Variants in ZNF432 observed in about 807,000 individuals in gnomAD.
ZNF432 encodes zinc finger protein 432.
In ZNF432, 10 loss-of-function variants were observed where a neutral mutation model predicts 13.9. The observed-to-expected ratio is 0.72, with a 90% confidence interval of 0.44 to 1.22. The LOEUF is 1.22. Among genes scored for constraint, ZNF432 ranks in the 50% most tolerant of loss-of-function variants. The pLI is 0.00. For synonymous variants in ZNF432, 247 were observed against 256.2 expected (o/e 0.96, Z 0.34); for missense variants, 793 against 796.2 (o/e 1.00, Z 0.05).
Position 52,041,523 on chromosome 19 carries a change from GT to G in ZNF432, c.98del (p.Tyr33SerfsTer4). 6.2e-7 allele frequency: 1 copy of G among 1,612,154 alleles called. No individual in the cohort carries two copies. Among genetic ancestry groups the G allele is most frequent in the South Asian group, 1.1e-5 (1 of 90,890 alleles). On this transcript the variant is annotated frameshift_variant, in exon 3 of 5. Coordinates refer to ENST00000221315, the MANE Select transcript of ZNF432 (RefSeq NM_014650.4). LOFTEE classifies it high-confidence loss of function. ...QLLGPFQKDLYRDVMLEIYSN... is the reference protein window; with the variant it reads ...QLLGPFQKDLXRDVMLEIYSN... ...TGTAGATCTCCAACATCACATCCCG[GT>G]ACAAATCCTTCTGAAAAGGGCCCAG...
In ZNF432 at chr19:52,048,715, C is replaced by G. The variant is rs899508033; in HGVS notation, c.-213G>C. ...CTGACCTGACTCTCCTTGGAATCGCCGCGACCTCTTAAAAGCTGAACTTAC... is the reference window on the plus strand; with the variant it reads ...CTGACCTGACTCTCCTTGGAATCGCGGCGACCTCTTAAAAGCTGAACTTAC... On this transcript the variant is annotated 5_prime_UTR_variant, in exon 1 of 5. Transcript: ENST00000221315. 6.5e-6 allele frequency: 1 copy of G among 152,882 alleles called. No individual in the cohort carries two copies. Among genetic ancestry groups the G allele is most frequent in the Non-Finnish European group, 1.5e-5 (1 of 68,344 alleles). 9.5% of individuals were successfully genotyped at this position (152,882 alleles called of 1,614,324 possible).
chr19:52,037,123 A>T (rs2087089723), intron 4 of ZNF432, among the ~76,000 whole-genome samples: 1 of 152,250 alleles, frequency 6.6e-6, no homozygotes, highest in Non-Finnish European at 1.5e-5. Context: ...TTACTGAGAT[A>T]TATAGAATAA....
At chr19:52,042,606 G>A (rs1281104825) in intron 2 of ZNF432, among the ~76,000 whole-genome samples, 2 of 151,982 alleles carry the variant, frequency 1.3e-5, no homozygotes, top group Non-Finnish European at 2.9e-5. Flanking sequence ...AAAGTATGAA[G>A]GAGACTTTAC....
chr19:52,045,949 C>T (rs1338033948), intron 2 of ZNF432, among the ~76,000 whole-genome samples: 4 of 145,684 alleles, frequency 2.7e-5, no homozygotes, highest in African/African-American at 1.0e-4. Flanking sequence ...AAGCCAAGAT[C>T]ACGCACTGCA....
intron 4 of ZNF432, 103 bp from the exon 5 acceptor site, chr19:52,035,543 T>C (rs1403024265): frequency 4.0e-6 from 4 of 1,002,710 alleles, no homozygotes; most frequent in African/African-American, 1.7e-5. Flanking sequence ...TTATTATTAT[T>C]ATTTTTTGAG....
rs1428922050 is a variant in ZNF432 at position 52,034,634 on chromosome 19, C to T, written c.1045G>A (p.Glu349Lys). ...HTGEKPYICS[E>K]CGKGFTTKHY... ...TTTGTGGTGAAGCCTTTCCCACATT[C>T]ACTACAGATGTAGGGCTTCTCTCCT... Residue 349 changes from glutamate to lysine, a missense_variant, in exon 5 of 5, where the codon GAA becomes AAA. By Grantham distance (56) the Glu-to-Lys change is moderately conservative. Transcript: ENST00000221315. The T allele has an allele frequency of 6.2e-7, 1 of 1,613,622 alleles. No individual in the cohort carries two copies. The highest frequency in any genetic ancestry group is 1.7e-5 in the Admixed American group (1 of 59,990).
Position 52,046,898 on chromosome 19 carries a change from C to A in ZNF432, c.-30G>T, listed in dbSNP as rs2087189501. ...TTCTGTTGTGGGAAATGGCCAGCAC[C>A]TGGGATACTCTGTCTTTGTCTCCTC... On this transcript the variant is annotated 5_prime_UTR_variant, in exon 2 of 5. It adds an upstream start codon to the 5' untranslated region. Coordinates refer to ENST00000221315, the MANE Select transcript of ZNF432 (RefSeq NM_014650.4). 1 of 1,611,646 alleles carries A rather than the reference C, an allele frequency of 6.2e-7. No homozygotes were observed. Among genetic ancestry groups the A allele is most frequent in the South Asian group, 1.1e-5 (1 of 90,574 alleles).
rs1254810367 is a variant in ZNF432, at chr19:52,041,585, C to T, written c.37G>A (p.Val13Ile). 2 of 1,614,088 alleles carry T rather than the reference C, an allele frequency of 1.2e-6. No individual in the cohort carries two copies. Among genetic ancestry groups the T allele is most frequent in the East Asian group, 4.5e-5 (2 of 44,874 alleles). ...NAQELLTLED[V>I]TVEFTWEEWQ... Reference sequence around the variant, plus strand: ...TCCTCCCAGGTGAACTCCACAGTAACATCCTCCAGTGTCAGCAATTCCTGT... The same window carrying T: ...TCCTCCCAGGTGAACTCCACAGTAATATCCTCCAGTGTCAGCAATTCCTGT... Residue 13 changes from valine (V) to isoleucine (I), a missense_variant, in exon 3 of 5, where the codon GTT becomes ATT. Physicochemically the swap from Val to Ile is conservative, Grantham distance 29 (BLOSUM62 3). Coordinates refer to ENST00000221315, the MANE Select transcript of ZNF432 (RefSeq NM_014650.4).
Position 52,033,934 on chromosome 19 carries a change from G to A in ZNF432, c.1745C>T (p.Thr582Ile), listed in dbSNP as rs767711061. Residue 582 changes from threonine to isoleucine, a missense_variant, in exon 5 of 5, where the codon ACA (threonine) becomes ATA (isoleucine). Coordinates refer to ENST00000221315, the MANE Select transcript of ZNF432 (RefSeq NM_014650.4). Reference protein sequence around the residue: ...SECGRGFAKETELALHKQVHT... With the variant: ...SECGRGFAKEIELALHKQVHT... ...AACTTGCTTATGTAAAGCAAGCTCT[G>A]TTTCCTTGGCAAAGCCTCTTCCACA... is the stretch of plus-strand genomic sequence containing the variant. 4.3e-6 allele frequency: 7 copies of A among 1,613,806 alleles called. No homozygotes were observed.
Position 52,034,460 on chromosome 19 carries a change from CA to C in ZNF432, c.1218del (p.Cys406TrpfsTer20). 1 of 1,613,986 alleles carries C rather than the reference CA, an allele frequency of 6.2e-7. No individual in the cohort carries two copies. The highest frequency in any genetic ancestry group is 2.2e-5 in the East Asian group (1 of 44,878). Reference protein sequence around the residue: ...TGEKPYICSECGKGFPRKSNL... With the variant: ...TGEKPYICSEXGKGFPRKSNL... ...TTACTCTTCCTGGGAAAGCCTTTTC[CA>C]CATTCACTGCATATGTAGGGTTTCT... On this transcript the variant is annotated frameshift_variant, in exon 5 of 5. Coordinates refer to ENST00000221315, the MANE Select transcript of ZNF432 (RefSeq NM_014650.4). LOFTEE classifies it low-confidence loss of function (END_TRUNC).
chr19:52,047,815 T>C (rs537058608), intron 1 of ZNF432, among the ~76,000 whole-genome samples: 1 of 151,744 alleles, frequency 6.6e-6, no homozygotes, highest in African/African-American at 2.4e-5. Context: ...ACTGGGAAAA[T>C]AGCCGCCTTT....
chr19:52,042,125 T>C (rs1167771385), intron 2 of ZNF432, among the ~76,000 whole-genome samples: 1 of 152,214 alleles, frequency 6.6e-6, no homozygotes, highest in African/African-American at 2.4e-5. Flanking sequence ...AATATATATG[T>C]ATGCACACAT....
At position 52,044,783 on chromosome 19, in the gene ZNF432, T is replaced by C. The variant is rs1294054718; in HGVS notation, c.15+2071A>G. 2.0e-5 allele frequency among the ~76,000 whole-genome samples: 3 copies of C among 152,254 alleles called. No individual in the cohort carries two copies. In the East Asian group the frequency reaches 5.8e-4, roughly 29 times the overall value. On this transcript the variant is annotated intron_variant, in intron 2 of 4. Coordinates refer to ENST00000221315, the MANE Select transcript of ZNF432 (RefSeq NM_014650.4). Reference sequence around the variant, plus strand: ...TCAGTTTCTATGTGGCAGGCACTCATCTAAATACTTTACATAGTTTAACAA... The same window carrying C: ...TCAGTTTCTATGTGGCAGGCACTCACCTAAATACTTTACATAGTTTAACAA...
In ZNF432 at chr19:52,041,558, A is replaced by G. The variant is rs775135908; in HGVS notation, c.64T>C (p.Trp22Arg). The G allele has an allele frequency of 6.2e-7, 1 of 1,613,318 alleles. No individual in the cohort carries two copies. The highest frequency in any genetic ancestry group is 1.1e-5 in the South Asian group (1 of 91,010). The change falls in exon 3 of 5, where the codon TGG becomes CGG. Residue 22 changes from tryptophan to arginine, a missense_variant. Transcript: ENST00000221315. The stretch of plus-strand genomic sequence containing the variant: ...TTCTGAAAAGGGCCCAGGAGCTGCC[A>G]CTCCTCCCAGGTGAACTCCACAGTA... ...DVTVEFTWEE[W>R]QLLGPFQKDL...
intron 4 of ZNF432, among the ~76,000 whole-genome samples, chr19:52,036,825 C>T (rs1262359806): frequency 6.6e-6 from 1 of 152,156 alleles, no homozygotes; most frequent in Non-Finnish European, 1.5e-5. Flanking sequence ...CACATGCAAC[C>T]ATGCCTGATT....
chr19:52,033,920 G>A lies in ZNF432; in HGVS notation c.1759C>T (p.His587Tyr), dbSNP rs1488658594. The part of the protein sequence containing the change: ...GFAKETELAL[H>Y]KQVHTGEKPY... ...TTTTCTCCAGTATGAACTTGCTTAT[G>A]TAAAGCAAGCTCTGTTTCCTTGGCA... Residue 587 changes from histidine to tyrosine, a missense_variant, in exon 5 of 5, where the codon CAT becomes TAT. Transcript: ENST00000221315. 8 of 1,613,806 alleles carry A rather than the reference G, an allele frequency of 5.0e-6. No homozygotes were observed. The highest frequency in any genetic ancestry group is 6.8e-6 in the Non-Finnish European group (8 of 1,179,924).
rs745616994 is a variant in ZNF432, at chr19:52,046,851, C to T, written c.15+3G>A. On this transcript the variant is annotated splice_donor_region_variant and intron_variant, in intron 2 of 4. Transcript: ENST00000221315. Reference sequence around the variant, plus strand: ...GGAGAGAATAAAATAGAGAAAAAGTCACCTGGGCATTGATCATTTTCTTCT... The same window carrying T: ...GGAGAGAATAAAATAGAGAAAAAGTTACCTGGGCATTGATCATTTTCTTCT... The T allele has an allele frequency of 6.2e-7, 1 of 1,613,594 alleles. No homozygotes were observed.
At position 52,040,591 on chromosome 19, in the gene ZNF432, C is replaced by T. The variant is rs770878099; in HGVS notation, c.143-8G>A. 40 of 1,612,428 alleles carry T rather than the reference C, an allele frequency of 2.5e-5. No homozygotes were observed. The highest frequency in any genetic ancestry group is 1.7e-4 in the Middle Eastern group (1 of 6,060). ...GTTTGCTGACTTGATAACCTGTTTA[C>T]GGGAAATAATAGAAGACAGACACAC... On this transcript the variant is annotated splice_region_variant and splice_polypyrimidine_tract_variant and intron_variant, in intron 3 of 4. Coordinates refer to ENST00000221315, the MANE Select transcript of ZNF432 (RefSeq NM_014650.4).
chr19:52,038,139 T>TA (rs1018653444), intron 4 of ZNF432, among the ~76,000 whole-genome samples: 9 of 152,110 alleles, frequency 5.9e-5, no homozygotes, highest in Non-Finnish European at 2.9e-5. Context: ...GTCATCTTGA[T>TA]AAAAAAAAGT....
Sources: allele counts gnomAD v4.1 joint callset (sites outside exome capture counted in the v4.1 genomes callset), GRCh38; gene constraint gnomAD v4.1.1; transcripts MANE v1.5; gene names NCBI Gene and HGNC (gene_info 2026-07-23, HGNC 2026-07-21).